The following PPP2R2C variants were observed in gnomAD, a reference collection of about 807,000 sequenced individuals.
PPP2R2C encodes the protein protein phosphatase 2 regulatory subunit Bgamma.
In PPP2R2C, 10 loss-of-function variants were observed where a neutral mutation model predicts 45.3. The ratio of observed to expected loss-of-function variants is 0.22; its 90% CI spans 0.14 to 0.37. PPP2R2C has a LOEUF of 0.37. Ranked by LOEUF, PPP2R2C falls within the 10% of genes least tolerant of loss-of-function variation. The probability of loss-of-function intolerance (pLI) is 1.00; values close to 1 mark genes in which losing one functional copy is unlikely to be tolerated. For synonymous variants in PPP2R2C, 257 were observed against 245.4 expected, an observed-to-expected ratio of 1.05 and a Z score of -0.44; for missense variants, 308 against 619.7, an observed-to-expected ratio of 0.50 and a Z score of 5.34.
At chr4:6,534,292 C>A (rs942069505) in intron 2 of PPP2R2C, among the ~76,000 whole-genome samples, 1 of 150,232 alleles carries the variant, frequency 6.7e-6, no homozygotes, top group African/African-American at 2.5e-5. Flanking sequence ...CATATCCCAA[C>A]ACACACACCC....
intron 2 of PPP2R2C, among the ~76,000 whole-genome samples, chr4:6,498,875 C>T (rs1722958092): frequency 6.6e-6 from 1 of 152,182 alleles, no homozygotes. Flanking sequence ...TGAATCTACA[C>T]CTCTGATCTT....
At chr4:6,382,490 T>C (rs1256180557) in intron 1 of PPP2R2C, 2 of 1,352,058 alleles carry the variant, frequency 1.5e-6, no homozygotes, top group Non-Finnish European at 9.8e-7. Flanking sequence ...TGTCCCTCTA[T>C]TCAAAACCCT....
chr4:6,326,889 G>A (rs1282077323), intron 8 of PPP2R2C, among the ~76,000 whole-genome samples: 1 of 152,224 alleles, frequency 6.6e-6, no homozygotes, highest in Non-Finnish European at 1.5e-5. Flanking sequence ...ACTGTCAGAG[G>A]GGGTCACCAG....
intron 1 of PPP2R2C, among the ~76,000 whole-genome samples, chr4:6,461,085 C>A (rs1481860566): frequency 6.6e-6 from 1 of 152,180 alleles, no homozygotes; most frequent in African/African-American, 2.4e-5. Context: ...CCTACCTGAT[C>A]CACCTGGGCA....
At chr4:6,346,551 C>T (rs1355187920) in intron 6 of PPP2R2C, among the ~76,000 whole-genome samples, 16 of 152,216 alleles carry the variant, frequency 1.1e-4, no homozygotes, top group African/African-American at 4.8e-5. Context: ...CAGCTCCCGA[C>T]GGTGGGCCTC....
chr4:6,519,633 C>T lies in PPP2R2C; in HGVS notation c.49+15638G>A, dbSNP rs538024209. Reference sequence around the variant, plus strand: ...CATGTACATTCAGCCCCATTCTGTCCGCACCTATTCACAAACAGGCACTTA... The same window carrying T: ...CATGTACATTCAGCCCCATTCTGTCTGCACCTATTCACAAACAGGCACTTA... On this transcript the variant is annotated intron_variant, in intron 2 of 9. Transcript: ENST00000506140. Among the ~76,000 whole-genome samples, 7 of 152,294 alleles carry T rather than the reference C, an allele frequency of 4.6e-5. No homozygotes were observed. In the South Asian group the frequency reaches 8.3e-4, roughly 18 times the overall value.
At position 6,331,189 on chromosome 4, in the gene PPP2R2C, T is replaced by C. The variant is rs1732388789; in HGVS notation, c.961-1836A>G. ...GGTGATGCACGCGTCCAAATGCGCA[T>C]GCTGTTCTCTCTGCCGTGCACTAAG... On this transcript the variant is annotated intron_variant, in intron 7 of 8. Transcript: ENST00000382599. The surrounding 1 kb of genome is among the most constrained non-coding windows in gnomAD (Gnocchi z 5.9). Among the ~76,000 whole-genome samples, 1 of 152,226 alleles carries C rather than the reference T, an allele frequency of 6.6e-6. No homozygotes were observed. The highest frequency in any genetic ancestry group is 2.4e-5 in the African/African-American group (1 of 41,456).
Position 6,483,381 on chromosome 4 carries a change from C to T in PPP2R2C, c.49+51890G>A, listed in dbSNP as rs1171707634. On this transcript the variant is annotated intron_variant, in intron 2 of 9. Transcript: ENST00000506140. ...TTTCCAAAGTGGTTATATCATTTTA[C>T]GTTCCCATCAGCAGTATATAAGAGT... Among the ~76,000 whole-genome samples, 5 of 152,076 alleles carry T rather than the reference C, an allele frequency of 3.3e-5. No homozygotes were observed. The East Asian group carries it at 9.6e-4, about 29-fold the overall frequency.
In PPP2R2C at chr4:6,391,502, A is replaced by G. The variant is rs150485457; in HGVS notation, c.71-10408T>C. On this transcript the variant is annotated intron_variant, in intron 1 of 8. Transcript: ENST00000382599. ...TTTATAAAAAGAAAAGCACACCGTA[A>G]TAGCAGAGCCGGCAGATGATGAGTT... is the stretch of plus-strand genomic sequence containing the variant. Among the ~76,000 whole-genome samples, 462 of 152,372 alleles carry G rather than the reference A, an allele frequency of 3.0e-3. 5 individuals are homozygous for G. Among genetic ancestry groups the G allele is most frequent in the African/African-American group, 0.011 (438 of 41,588 alleles).
rs565469775 is a variant in PPP2R2C, at chr4:6,341,644, G to C, written c.790+6202C>G. Among the ~76,000 whole-genome samples the C allele has an allele frequency of 1.1e-4, 16 of 152,284 alleles. No homozygotes were observed. In the South Asian group the frequency reaches 3.1e-3, roughly 30 times the overall value. On this transcript the variant is annotated intron_variant, in intron 6 of 8. Coordinates refer to ENST00000382599, the MANE Select transcript of PPP2R2C (RefSeq NM_020416.4). ...GATGTCATTAAGTGAAGGACCTTGA[G>C]GTACGGAGGTGACCCTGGATAATCT... is the stretch of plus-strand genomic sequence containing the variant.
At chr4:6,429,248 G>A (rs779569898) in intron 1 of PPP2R2C, among the ~76,000 whole-genome samples, 12 of 152,190 alleles carry the variant, frequency 7.9e-5, no homozygotes, top group South Asian at 2.1e-4. Flanking sequence ...TGACCGTGAC[G>A]CTGCCATTTC....
At chr4:6,412,200 T>G (rs1377108239) in intron 1 of PPP2R2C, among the ~76,000 whole-genome samples, 1 of 152,226 alleles carries the variant, frequency 6.6e-6, no homozygotes, top group Non-Finnish European at 1.5e-5. Flanking sequence ...AAAGACCTTC[T>G]CTTAATGACT....
chr4:6,542,437 G>A (rs1300432916), intron 1 of PPP2R2C, among the ~76,000 whole-genome samples: 1 of 152,224 alleles, frequency 6.6e-6, no homozygotes, highest in African/African-American at 2.4e-5. Flanking sequence ...GCTCACGCCT[G>A]TATCCCAGCA....
At chr4:6,510,990 C>CAAAAAAAAAAAAAAAA (rs1389589810) in intron 2 of PPP2R2C, among the ~76,000 whole-genome samples, 2 of 130,896 alleles carry the variant, frequency 1.5e-5, no homozygotes, top group South Asian at 2.3e-4. Flanking sequence ...CAAAAAAAAA[C>CAAAAAAAAAAAAAAAA]AAACAAACAA....
intron 5 of PPP2R2C, among the ~76,000 whole-genome samples, chr4:6,367,503 G>C (rs1229031822): frequency 2.0e-5 from 3 of 152,108 alleles, no homozygotes; most frequent in Admixed American, 1.3e-4. Flanking sequence ...GTCACCCTCT[G>C]ACAGCCAGAA....
intron 1 of PPP2R2C, 70 bp from the exon 2 acceptor site, chr4:6,381,164 C>G (rs1418978490): frequency 6.4e-7 from 1 of 1,551,842 alleles, no homozygotes; most frequent in East Asian, 2.4e-5. Context: ...CTCAACAGTG[C>G]CACAGCAATG....
At chr4:6,380,868 T>C in intron 2 of PPP2R2C, 129 bp downstream of exon 2, 7 of 1,370,038 alleles carry the variant, frequency 5.1e-6, no homozygotes, top group South Asian at 1.6e-5. Flanking sequence ...GGTTGGAGTA[T>C]AGTCCCCTCC....
intron 2 of PPP2R2C, among the ~76,000 whole-genome samples, chr4:6,534,457 A>AAC (rs1242972302): frequency 6.6e-6 from 1 of 151,264 alleles, no homozygotes; most frequent in Non-Finnish European, 1.5e-5. Flanking sequence ...AACACACACC[A>AAC]ACACACACAC....
intron 6 of PPP2R2C, among the ~76,000 whole-genome samples, chr4:6,341,262 C>A (rs1360470968): frequency 6.6e-6 from 1 of 151,526 alleles, no homozygotes; most frequent in Non-Finnish European, 1.5e-5. Context: ...TTGCTTGAAC[C>A]CAGGAGGTGG....
Sources: allele counts gnomAD v4.1 joint callset (sites outside exome capture counted in the v4.1 genomes callset), GRCh38; gene constraint gnomAD v4.1.1; non-coding constraint Gnocchi (gnomAD v3.1); transcripts MANE v1.5; gene names NCBI Gene and HGNC (gene_info 2026-07-23, HGNC 2026-07-21).